The following KLB variants were observed in gnomAD, a reference collection of about 807,000 sequenced individuals.
KLB encodes the protein beta-klotho.
Under a neutral mutation model 88.4 loss-of-function variants are expected in KLB, and 44 were observed. The ratio of observed to expected loss-of-function variants is 0.50; its 90% CI spans 0.39 to 0.64. The LOEUF (loss-of-function observed/expected upper bound fraction) is 0.64. Ranked by LOEUF, KLB falls within the 30% of genes least tolerant of loss-of-function variation. The pLI is 0.00. For synonymous variants in KLB, 548 were observed against 513.4 expected, an observed-to-expected ratio of 1.07 and a Z score of -0.91; for missense variants, 1,137 against 1,304.8, an observed-to-expected ratio of 0.87 and a Z score of 1.98.
chr4:39,420,131 G>C (rs1743049564), intron 1 of KLB, among the ~76,000 whole-genome samples: 2 of 152,020 alleles, frequency 1.3e-5, no homozygotes, highest in South Asian at 4.2e-4. Context: ...TGATCTAGTA[G>C]TGTTACTTGA....
chr4:39,448,477 T>A lies in KLB; in HGVS notation c.2926T>A (p.Cys976Ser). ...GFPFENSSSRCSQTQENTECT... is the reference protein window; with the variant it reads ...GFPFENSSSRSSQTQENTECT... ...CCCTTTTGAGAACAGTAGTTCTAGA[T>A]GCAGTCAGACCCAAGAAAATACAGA... The change falls in exon 5 of 5, where the codon TGC becomes AGC. Residue 976 changes from cysteine (C) to serine (S), a missense_variant. Physicochemically the swap from Cys to Ser is moderately radical, Grantham distance 112 (BLOSUM62 -1). Coordinates refer to ENST00000257408, the MANE Select transcript of KLB (RefSeq NM_175737.4). 3.7e-6 allele frequency: 6 copies of A among 1,614,068 alleles called. No homozygotes were observed. Among genetic ancestry groups the A allele is most frequent in the Non-Finnish European group, 5.1e-6 (6 of 1,179,896 alleles).
chr4:39,434,782 AC>A, intron 2 of KLB, 62 bp downstream of exon 2: 5 of 1,226,004 alleles, frequency 4.1e-6, no homozygotes, highest in Non-Finnish European at 5.7e-6. Context: ...ATTTAAAGTC[AC>A]CTTTGAATAT....
intron 3 of KLB, among the ~76,000 whole-genome samples, chr4:39,442,055 A>G (rs1305495594): frequency 6.6e-6 from 1 of 152,182 alleles, no homozygotes; most frequent in Non-Finnish European, 1.5e-5. Flanking sequence ...CAGCCTGGCC[A>G]TTATGGCAAA....
chr4:39,419,875 C>T (rs1010212316), intron 1 of KLB, among the ~76,000 whole-genome samples: 1 of 132,092 alleles, frequency 7.6e-6, no homozygotes, highest in East Asian at 2.3e-4. Context: ...ACCTGGGAGG[C>T]GGAGGTTGCA....
chr4:39,417,304 TTTTG>T lies in KLB; in HGVS notation c.825+9555_825+9558del, dbSNP rs202029882. Among the ~76,000 whole-genome samples, 95 of 151,890 alleles carry T rather than the reference TTTTG, an allele frequency of 6.3e-4. 1 individual carries two copies. Among genetic ancestry groups the T allele is most frequent in the South Asian group, 2.7e-3 (13 of 4,816 alleles). On this transcript the variant is annotated intron_variant, in intron 1 of 4. Coordinates refer to ENST00000257408, the MANE Select transcript of KLB (RefSeq NM_175737.4). The stretch of plus-strand genomic sequence containing the variant: ...CCCCTCCCACATCAAAAAAGTGGTT[TTTTG>T]TTTGTTTGTTTGTTTGTTTGTTTGA...
rs2687967 is a variant in KLB, at chr4:39,448,204, G to A, written c.2750-97G>A. On this transcript the variant is annotated intron_variant, in intron 4 of 4. Coordinates refer to ENST00000257408, the MANE Select transcript of KLB (RefSeq NM_175737.4). ...TAATAAAAATCACTACCTTTATTATGGGCATAATTTTAGCTTGTTTCAATG... is the reference window on the plus strand; with the variant it reads ...TAATAAAAATCACTACCTTTATTATAGGCATAATTTTAGCTTGTTTCAATG... 580,129 of 841,432 alleles carry A rather than the reference G, an allele frequency of 0.69. 201,476 individuals carry two copies. The highest frequency in any genetic ancestry group is 0.77 in the Admixed American group (25,510 of 33,098). 52.1% of individuals were successfully genotyped at this position (841,432 alleles called of 1,614,324 possible).
At position 39,407,097 on chromosome 4, in the gene KLB, G is replaced by A; in HGVS notation, c.148G>A (p.Val50Ile). ...GTCAGCACTTATTCTGCTACGAGCTGTTACTGGATTCTCTGGAGATGGAAG... is the reference window on the plus strand; with the variant it reads ...GTCAGCACTTATTCTGCTACGAGCTATTACTGGATTCTCTGGAGATGGAAG... ...ILSALILLRA[V>I]TGFSGDGRAI... is the part of the protein sequence containing the mutation. The change falls in exon 1 of 5, where the codon GTT becomes ATT. Residue 50 changes from valine (V) to isoleucine (I), a missense_variant. Around this residue, in one of 4 missense-constraint regions of KLB, gnomAD observed 111 missense variants for 118.3 expected, o/e 0.94. Transcript: ENST00000257408. The A allele has an allele frequency of 6.2e-7, 1 of 1,614,158 alleles. No individual in the cohort carries two copies. Among genetic ancestry groups the A allele is most frequent in the Non-Finnish European group, 8.5e-7 (1 of 1,180,004 alleles).
At chr4:39,435,740 T>C (rs76831972) in intron 2 of KLB, among the ~76,000 whole-genome samples, 9,525 of 152,300 alleles carry the variant, frequency 0.063, 366 homozygotes, top group East Asian at 0.098. Context: ...TATTGTCCAA[T>C]GTTGACAGCA....
intron 2 of KLB, 26 bp from the exon 3 acceptor site, chr4:39,437,701 A>G: frequency 6.3e-7 from 1 of 1,583,290 alleles, no homozygotes; most frequent in Non-Finnish European, 8.6e-7. Context: ...GCCTCTGAAC[A>G]TCTCTGCTTT....
At position 39,421,752 on chromosome 4, in the gene KLB, CA is replaced by C. The variant is rs769591546; in HGVS notation, c.826-12444del. 6.1e-3 allele frequency among the ~76,000 whole-genome samples: 824 copies of C among 135,182 alleles called. 1 individual carries two copies. The highest frequency in any genetic ancestry group is 7.2e-3 in the Middle Eastern group (2 of 276). 88.7% of individuals were successfully genotyped at this position (135,182 alleles called of 152,430 possible). On this transcript the variant is annotated intron_variant, in intron 1 of 4. Coordinates refer to ENST00000257408, the MANE Select transcript of KLB (RefSeq NM_175737.4). ...CCTGGGCAACAGAGCAACACTCCGT[CA>C]AAAAAAAAAAAAAGACAAGGTCTCA...
At chr4:39,410,572 A>G (rs1560643150) in intron 1 of KLB, among the ~76,000 whole-genome samples, 1 of 152,190 alleles carries the variant, frequency 6.6e-6, no homozygotes, top group Non-Finnish European at 1.5e-5. Context: ...GCCTGAGGTG[A>G]ACTTGTTTTT....
chr4:39,418,809 G>A (rs1365966586), intron 1 of KLB, among the ~76,000 whole-genome samples: 2 of 151,692 alleles, frequency 1.3e-5, no homozygotes, highest in Non-Finnish European at 2.9e-5. Flanking sequence ...TTAGCTGGGT[G>A]TGGTGGTGCA....
At chr4:39,410,826 T>A (rs576005140) in intron 1 of KLB, among the ~76,000 whole-genome samples, 13 of 152,292 alleles carry the variant, frequency 8.5e-5, no homozygotes, top group Non-Finnish European at 1.6e-4. Context: ...TCATAGTGGC[T>A]ATTGGGGTCC....
At chr4:39,439,164 A>T (rs900628055) in intron 3 of KLB, among the ~76,000 whole-genome samples, 6 of 151,882 alleles carry the variant, frequency 4.0e-5, no homozygotes, top group Admixed American at 3.9e-4. Context: ...TGCCCAGCTA[A>T]TTTTTTGATT....
chr4:39,433,557 T>C (rs1743406674), intron 1 of KLB, among the ~76,000 whole-genome samples: 1 of 152,066 alleles, frequency 6.6e-6, no homozygotes, highest in Non-Finnish European at 1.5e-5. Flanking sequence ...TTCTGTAGAA[T>C]GGTGAAAGAT....
intron 1 of KLB, among the ~76,000 whole-genome samples, chr4:39,413,617 G>T (rs1424576269): frequency 3.3e-5 from 5 of 152,066 alleles, no homozygotes; most frequent in Admixed American, 2.0e-4. Flanking sequence ...CCAGCTACTT[G>T]GGAGGATGAG....
intron 4 of KLB, among the ~76,000 whole-genome samples, 187 bp downstream of exon 4, chr4:39,447,662 A>C (rs952010057): frequency 2.6e-5 from 4 of 152,222 alleles, no homozygotes; most frequent in Admixed American, 1.3e-4. Context: ...TCATAAAAGT[A>C]ACACACACCA....
intron 1 of KLB, among the ~76,000 whole-genome samples, chr4:39,426,588 TA>T (rs67026849): frequency 0.61 from 91,894 of 151,510 alleles, 29,235 homozygotes; most frequent in Admixed American, 0.71. Flanking sequence ...AAAAACTTTT[TA>T]AAAAAATAGT....
At chr4:39,414,656 G>A (rs1466206987) in intron 1 of KLB, among the ~76,000 whole-genome samples, 1 of 151,800 alleles carries the variant, frequency 6.6e-6, no homozygotes, top group Non-Finnish European at 1.5e-5. Context: ...ACATCACGAG[G>A]TCAGGAGTTC....
Sources: gnomAD v4.1 joint callset for allele counts (sites outside exome capture counted in the v4.1 genomes callset) on GRCh38, gnomAD v4.1.1 for gene constraint, gnomAD v4.1.1 regional missense constraint, MANE v1.5 for transcripts, NCBI Gene and HGNC (gene_info 2026-07-23, HGNC 2026-07-21) for gene names.